The following DOCK3 variants were observed in gnomAD, a reference collection of about 807,000 sequenced individuals.
The protein encoded by DOCK3 is dedicator of cytokinesis 3.
Under a neutral mutation model 265.6 loss-of-function variants are expected in DOCK3, and 60 were observed. The observed-to-expected ratio is 0.23, with a 90% CI of 0.18 to 0.28. The LOEUF (loss-of-function observed/expected upper bound fraction) is 0.28, where lower values mean the gene tolerates loss of function less well. Among genes scored for constraint, DOCK3 ranks in the 10% least tolerant of loss-of-function variants. DOCK3 has a pLI of 1.00. For missense variants in DOCK3, 1,981 were observed against 2,594.3 expected, an observed-to-expected ratio of 0.76 and a Z score of 5.14; for synonymous variants, 881 against 938.0, an observed-to-expected ratio of 0.94 and a Z score of 1.11.
Position 51,270,899 on chromosome 3 carries a change from G to A in DOCK3, c.2440G>A (p.Gly814Arg). 6.2e-7 allele frequency: 1 copy of A among 1,614,016 alleles called. No homozygotes were observed. The highest frequency in any genetic ancestry group is 8.5e-7 in the Non-Finnish European group (1 of 1,179,910). ...GCAAGAGGTGGCAGAGTTTGTGAGAGGGACACTGGGGAGCATGCCCAGCAC... is the reference window on the plus strand; with the variant it reads ...GCAAGAGGTGGCAGAGTTTGTGAGAAGGACACTGGGGAGCATGCCCAGCAC... ...TVQEVAEFVR[G>R]TLGSMPSTVH... Residue 814 changes from glycine (G) to arginine (R), a missense_variant, in exon 24 of 53, where the codon GGG becomes AGG. Physicochemically the swap from Gly to Arg is moderately radical, Grantham distance 125. Coordinates refer to ENST00000266037, the MANE Select transcript of DOCK3 (RefSeq NM_004947.5).
At chr3:51,146,683 G>A (rs1326005558) in intron 10 of DOCK3, 53 bp downstream of exon 10, 8 of 1,494,930 alleles carry the variant, frequency 5.4e-6, no homozygotes, top group Non-Finnish European at 6.4e-6. Context: ...CCAGTGGCCT[G>A]CTATGTGGAT....
chr3:50,701,624 C>T (rs1300067946), intron 1 of DOCK3, among the ~76,000 whole-genome samples: 1 of 151,922 alleles, frequency 6.6e-6, no homozygotes, highest in Non-Finnish European at 1.5e-5. Flanking sequence ...TTTTTGTTGC[C>T]TGTGCTTTTG....
At chr3:51,250,126 CAA>C (rs2079121679) in intron 22 of DOCK3, among the ~76,000 whole-genome samples, 1 of 151,884 alleles carries the variant, frequency 6.6e-6, no homozygotes, top group South Asian at 2.1e-4. Flanking sequence ...CCCAGGGACA[CAA>C]ATGCTGCGGA....
intron 2 of DOCK3, among the ~76,000 whole-genome samples, chr3:50,802,819 A>G (rs978244397): frequency 6.6e-6 from 1 of 152,134 alleles, no homozygotes; most frequent in South Asian, 2.1e-4. Context: ...GGATGTCCAT[A>G]TCTCTCCCAA....
chr3:50,930,862 C>G (rs909534668), intron 4 of DOCK3, among the ~76,000 whole-genome samples: 1 of 152,146 alleles, frequency 6.6e-6, no homozygotes, highest in Non-Finnish European at 1.5e-5. Flanking sequence ...GGCTGATCCC[C>G]GAAGTGGGCA....
intron 4 of DOCK3, among the ~76,000 whole-genome samples, chr3:50,913,733 C>G (rs2049977980): frequency 1.3e-5 from 2 of 152,072 alleles, no homozygotes; most frequent in Admixed American, 1.3e-4. Context: ...AACAGAATAG[C>G]ACTGAATTCA....
intron 5 of DOCK3, among the ~76,000 whole-genome samples, chr3:50,976,740 G>A (rs1243167431): frequency 2.7e-5 from 4 of 149,898 alleles, no homozygotes; most frequent in African/African-American, 9.7e-5. Flanking sequence ...GTTGACAGTG[G>A]GGTGTTAAAG....
chr3:50,840,957 A>T (rs1273866813), intron 2 of DOCK3, among the ~76,000 whole-genome samples: 1 of 152,210 alleles, frequency 6.6e-6, no homozygotes, highest in Non-Finnish European at 1.5e-5. Flanking sequence ...CAATTAATTT[A>T]GCTATCATCA....
At chr3:50,896,127 A>G (rs1227950997) in intron 4 of DOCK3, among the ~76,000 whole-genome samples, 1 of 152,096 alleles carries the variant, frequency 6.6e-6, no homozygotes, top group Non-Finnish European at 1.5e-5. Context: ...ACTAATTTAC[A>G]CTCCCACGAA....
intron 4 of DOCK3, among the ~76,000 whole-genome samples, chr3:50,911,908 A>C (rs1284435686): frequency 6.6e-6 from 1 of 151,838 alleles, no homozygotes; most frequent in Non-Finnish European, 1.5e-5. Flanking sequence ...ATTTATTCTT[A>C]GGTATCTTAT....
chr3:51,082,822 A>C (rs1576006540), intron 7 of DOCK3, among the ~76,000 whole-genome samples: 2 of 152,062 alleles, frequency 1.3e-5, no homozygotes, highest in South Asian at 4.2e-4. Flanking sequence ...ACAGACCTAT[A>C]GGATAGGTCT....
At chr3:51,153,913 C>T (rs749927850) in intron 10 of DOCK3, among the ~76,000 whole-genome samples, 4 of 152,144 alleles carry the variant, frequency 2.6e-5, no homozygotes, top group Non-Finnish European at 5.9e-5. Context: ...AATTTTCAAC[C>T]AGTTTTGATT....
chr3:50,803,554 C>T (rs542793817), intron 2 of DOCK3, among the ~76,000 whole-genome samples: 3 of 151,588 alleles, frequency 2.0e-5, no homozygotes, highest in East Asian at 3.9e-4. Flanking sequence ...AAACTGCCAT[C>T]GTCATCATGG....
intron 37 of DOCK3, among the ~76,000 whole-genome samples, chr3:51,339,550 T>A (rs1346305708): frequency 6.6e-6 from 1 of 152,214 alleles, no homozygotes; most frequent in Non-Finnish European, 1.5e-5. Context: ...ATAAAGAATG[T>A]TCATCTGACT....
intron 2 of DOCK3, among the ~76,000 whole-genome samples, chr3:50,784,769 TTGCAGC>T (rs1281051669): frequency 2.6e-5 from 4 of 152,202 alleles, no homozygotes; most frequent in Non-Finnish European, 5.9e-5. Context: ...TTTATTTTAT[TTGCAGC>T]TAGTGTAAAA....
intron 32 of DOCK3, among the ~76,000 whole-genome samples, chr3:51,326,412 C>T (rs2084117049): frequency 6.6e-6 from 1 of 151,196 alleles, no homozygotes; most frequent in South Asian, 2.1e-4. Context: ...AGGTGCATGC[C>T]ACCACACCCA....
Position 51,201,882 on chromosome 3 carries a change from T to G in DOCK3, c.1038-6892T>G, listed in dbSNP as rs544848972. Among the ~76,000 whole-genome samples the G allele has an allele frequency of 9.0e-4, 137 of 152,212 alleles. 1 individual carries two copies. Among genetic ancestry groups the G allele is most frequent in the African/African-American group, 3.2e-3 (134 of 41,526 alleles). Reference sequence around the variant, plus strand: ...GATTAAGAAACTCACTCAAAACTGCTCAACTACATGGAGACTGAACAACCT... The same window carrying G: ...GATTAAGAAACTCACTCAAAACTGCGCAACTACATGGAGACTGAACAACCT... On this transcript the variant is annotated intron_variant, in intron 12 of 52. Transcript: ENST00000266037.
At chr3:50,856,579 C>CT (rs1209073479) in intron 3 of DOCK3, among the ~76,000 whole-genome samples, 2 of 151,956 alleles carry the variant, frequency 1.3e-5, no homozygotes, top group African/African-American at 2.4e-5. Context: ...CATGTGGACT[C>CT]TGAATATTAG....
chr3:50,723,404 C>T (rs1388142459), intron 1 of DOCK3, among the ~76,000 whole-genome samples: 1 of 152,162 alleles, frequency 6.6e-6, no homozygotes, highest in Non-Finnish European at 1.5e-5. Flanking sequence ...GGTGTGGTGG[C>T]TCATGCCTGT....
Sources: allele counts gnomAD v4.1 joint callset (sites outside exome capture counted in the v4.1 genomes callset), GRCh38; gene constraint gnomAD v4.1.1; transcripts MANE v1.5; gene names NCBI Gene and HGNC (gene_info 2026-07-23, HGNC 2026-07-21).